Variants in ZNF423 observed in about 807,000 individuals in gnomAD.
ZNF423 encodes Ebf-associated zinc finger protein.
In ZNF423, 12 loss-of-function variants were observed where a neutral mutation model predicts 95.8. The ratio of observed to expected loss-of-function variants is 0.13; its 90% CI spans 0.08 to 0.20. The LOEUF (loss-of-function observed/expected upper bound fraction) is 0.20, where lower values mean the gene tolerates loss of function less well. ZNF423 is among the 10% of genes least tolerant of loss of function. The pLI, the probability that ZNF423 is intolerant of heterozygous loss-of-function variation, is 1.00. For missense variants in ZNF423, 1,316 were observed against 1,737.1 expected (o/e 0.76, Z 4.31); for synonymous variants, 749 against 711.9 (o/e 1.05, Z -0.83).
At chr16:49,682,283 C>A (rs2031395906) in intron 3 of ZNF423, among the ~76,000 whole-genome samples, 1 of 151,840 alleles carries the variant, frequency 6.6e-6, no homozygotes, top group African/African-American at 2.4e-5. Flanking sequence ...AACCGTCTCC[C>A]TGGACCTCAA....
intron 5 of ZNF423, among the ~76,000 whole-genome samples, chr16:49,574,684 C>T (rs1216286146): frequency 6.6e-6 from 1 of 152,124 alleles, no homozygotes. Context: ...GACAGGGGCA[C>T]TCTCCGCCTA....
Position 49,537,772 on chromosome 16 carries a change from C to T in ZNF423, c.3602-12278G>A, listed in dbSNP as rs1597070818. On this transcript the variant is annotated intron_variant, in intron 5 of 7. Transcript: ENST00000563137. Reference sequence around the variant, plus strand: ...TCTTGAGGCCAAGCCCAGTGCTCGGCCTTTCTCTCTTCAACAGACCCAGGA... The same window carrying T: ...TCTTGAGGCCAAGCCCAGTGCTCGGTCTTTCTCTCTTCAACAGACCCAGGA... Among the ~76,000 whole-genome samples, 6 of 152,300 alleles carry T rather than the reference C, an allele frequency of 3.9e-5. 1 individual carries two copies. The highest frequency in any genetic ancestry group is 3.9e-4 in the Admixed American group (6 of 15,294).
At position 49,637,173 on chromosome 16, in the gene ZNF423, C is replaced by A. The variant is rs200218868; in HGVS notation, c.2003G>T (p.Arg668Leu). Residue 668 changes from arginine to leucine, a missense_variant, in exon 4 of 8, where the codon CGG becomes CTG. Arg to Leu is a moderately radical substitution (Grantham distance 102, BLOSUM62 -2). This residue lies in a region of ZNF423 where 620 missense variants were observed against 775.6 expected (regional missense o/e 0.80). Transcript: ENST00000563137. This position sits in a 1 kb window ranked among gnomAD's most constrained non-coding sequence, Gnocchi z 5.6. ...HLKLHLELLL[R>L]KQACPQCKED... ...TTTGCACTGGGGGCACGCTTGCTTC[C>A]GCAGCAGCAGCTCCAGGTGCAGCTT... The A allele has an allele frequency of 6.2e-7, 1 of 1,613,788 alleles. No homozygotes were observed.
At chr16:49,513,427 T>G (rs1967979198) in intron 7 of ZNF423, among the ~76,000 whole-genome samples, 1 of 152,194 alleles carries the variant, frequency 6.6e-6, no homozygotes, top group African/African-American at 2.4e-5. Flanking sequence ...TAATTATTAT[T>G]AGTTATAATT....
chr16:49,818,689 C>T (rs2034893443), intron 1 of ZNF423, among the ~76,000 whole-genome samples: 1 of 151,592 alleles, frequency 6.6e-6, no homozygotes, highest in Non-Finnish European at 1.5e-5. Context: ...AGTTCAAGAC[C>T]TACCTGGGCA....
At chr16:49,813,185 A>C (rs1296141252) in intron 1 of ZNF423, among the ~76,000 whole-genome samples, 4 of 147,920 alleles carry the variant, frequency 2.7e-5, no homozygotes, top group Non-Finnish European at 6.0e-5. Flanking sequence ...GACTTCCCCC[A>C]AATCCCCACC....
chr16:49,557,658 G>A (rs1016512916), intron 5 of ZNF423, among the ~76,000 whole-genome samples: 2 of 152,198 alleles, frequency 1.3e-5, no homozygotes, highest in Admixed American at 1.3e-4. Context: ...AGGTGATGGG[G>A]CGGTTTGGGT....
intron 2 of ZNF423, 143 bp downstream of exon 2, chr16:49,789,344 C>A: frequency 1.5e-6 from 1 of 659,908 alleles, no homozygotes; most frequent in Non-Finnish European, 2.5e-6. Context: ...ATATAAAAAT[C>A]GTGTTGCATG....
chr16:49,593,507 C>T (rs989540526), intron 5 of ZNF423, among the ~76,000 whole-genome samples: 9 of 141,444 alleles, frequency 6.4e-5, no homozygotes, highest in South Asian at 2.4e-4. Context: ...CTGCCTCTCC[C>T]GCCAGAACCC....
chr16:49,718,570 A>C (rs1315161094), intron 3 of ZNF423, among the ~76,000 whole-genome samples: 1 of 152,332 alleles, frequency 6.6e-6, no homozygotes, highest in South Asian at 2.1e-4. Flanking sequence ...GCTCTGTCTT[A>C]AGTCTGTTCA....
intron 5 of ZNF423, among the ~76,000 whole-genome samples, chr16:49,537,159 G>T (rs1006162064): frequency 5.3e-5 from 8 of 152,174 alleles, no homozygotes; most frequent in African/African-American, 1.9e-4. Context: ...AGAATATGAC[G>T]AACACAGGAA....
At chr16:49,508,827 C>T (rs754436130) in intron 7 of ZNF423, among the ~76,000 whole-genome samples, 13 of 152,122 alleles carry the variant, frequency 8.5e-5, no homozygotes, top group Admixed American at 2.6e-4. Flanking sequence ...TTCCCACCAA[C>T]GCTGTATTTT....
chr16:49,647,215 C>T (rs1383366339), intron 3 of ZNF423, among the ~76,000 whole-genome samples: 3 of 152,226 alleles, frequency 2.0e-5, no homozygotes, highest in Admixed American at 6.5e-5. Context: ...TACAACCCCA[C>T]CTGCCATTGA....
At chr16:49,510,953 G>C (rs1408751128) in intron 7 of ZNF423, among the ~76,000 whole-genome samples, 1 of 152,230 alleles carries the variant, frequency 6.6e-6, no homozygotes, top group Non-Finnish European at 1.5e-5. Flanking sequence ...CCCTGCCCTA[G>C]GGCATGAATG....
chr16:49,540,467 G>C (rs559487552), intron 5 of ZNF423, among the ~76,000 whole-genome samples: 8 of 151,662 alleles, frequency 5.3e-5, no homozygotes, highest in African/African-American at 1.7e-4. Context: ...TTTTGGTAGA[G>C]ATGGGGCCTC....
At chr16:49,706,876 C>T (rs1275598833) in intron 3 of ZNF423, among the ~76,000 whole-genome samples, 1 of 152,164 alleles carries the variant, frequency 6.6e-6, no homozygotes, top group Non-Finnish European at 1.5e-5. Flanking sequence ...CCTCACATGG[C>T]AGGTGGTCCC....
At chr16:49,627,871 C>T (rs906560363) in intron 4 of ZNF423, among the ~76,000 whole-genome samples, 3 of 149,120 alleles carry the variant, frequency 2.0e-5, no homozygotes, top group Non-Finnish European at 4.5e-5. Context: ...ACCATCCATC[C>T]TCCATCTACC....
chr16:49,612,236 C>G lies in ZNF423; in HGVS notation c.3601+13934G>C, dbSNP rs116424396. 5.3e-5 allele frequency among the ~76,000 whole-genome samples: 8 copies of G among 151,842 alleles called. No individual in the cohort carries two copies. The East Asian group carries it at 9.7e-4, about 18-fold the overall frequency. On this transcript the variant is annotated intron_variant, in intron 5 of 7. Coordinates refer to ENST00000563137, the MANE Select transcript of ZNF423 (RefSeq NM_001379286.1). The stretch of plus-strand genomic sequence containing the variant: ...TAAACACAGATACAAAAATCCCTGA[C>G]GAAGTATTAGCAAATAGCAGTTAGC...
In ZNF423 at chr16:49,677,492, AAAG is replaced by A. The variant is rs1448088968; in HGVS notation, c.302-38621_302-38619del. Reference sequence around the variant, plus strand: ...AAAGAAAAGGAAAGGAAAGGAAAGAAAAGAAAAGAATTTTGTTGCCAGGTGCAG... The same window carrying A: ...AAAGAAAAGGAAAGGAAAGGAAAGAAAAAAGAATTTTGTTGCCAGGTGCAG... On this transcript the variant is annotated intron_variant, in intron 3 of 7. Coordinates refer to ENST00000563137, the MANE Select transcript of ZNF423 (RefSeq NM_001379286.1). Among the ~76,000 whole-genome samples the A allele has an allele frequency of 5.3e-5, 8 of 151,932 alleles. No homozygotes were observed. In the East Asian group the frequency reaches 1.4e-3, roughly 26 times the overall value.
Sources: allele counts gnomAD v4.1 joint callset (sites outside exome capture counted in the v4.1 genomes callset), GRCh38; gene constraint gnomAD v4.1.1; regional missense constraint gnomAD v4.1.1; non-coding constraint Gnocchi (gnomAD v3.1); transcripts MANE v1.5; gene names NCBI Gene and HGNC (gene_info 2026-07-23, HGNC 2026-07-21).